Variants in RTN4RL1 observed in about 807,000 individuals in gnomAD.
RTN4RL1 encodes reticulon-4 receptor-like 1.
In RTN4RL1, 7 loss-of-function variants were observed where a neutral mutation model predicts 25.6. That is an observed-to-expected ratio of 0.27 (90% CI 0.16 to 0.51). The LOEUF (loss-of-function observed/expected upper bound fraction) is 0.51. Among genes scored for constraint, RTN4RL1 ranks in the 20% least tolerant of loss-of-function variants. RTN4RL1 has a pLI of 0.97. For synonymous variants in RTN4RL1, 297 were observed against 288.2 expected (o/e 1.03, Z -0.31); for missense variants, 500 against 615.6 (o/e 0.81, Z 1.99).
intron 1 of RTN4RL1, among the ~76,000 whole-genome samples, chr17:2,012,563 T>C (rs1243304175): frequency 1.3e-5 from 2 of 152,192 alleles, no homozygotes; most frequent in Non-Finnish European, 2.9e-5. Context: ...ACTGTTTCTA[T>C]TTTTTTCTTT....
At chr17:1,963,412 A>C (rs2066774800) in intron 1 of RTN4RL1, among the ~76,000 whole-genome samples, 1 of 152,202 alleles carries the variant, frequency 6.6e-6, no homozygotes, top group African/African-American at 2.4e-5. Flanking sequence ...GCGAGGTAGG[A>C]GCCATTAACC....
At chr17:1,944,511 A>G (rs1915497136) in intron 1 of RTN4RL1, among the ~76,000 whole-genome samples, 1 of 152,140 alleles carries the variant, frequency 6.6e-6, no homozygotes, top group African/African-American at 2.4e-5. Context: ...GCTGGAGTGC[A>G]GTGGTGCGAT....
In RTN4RL1 at chr17:2,025,176, G is replaced by T. The variant is rs1227314887; in HGVS notation, c.-311C>A. 7.7e-6 allele frequency: 2 copies of T among 261,426 alleles called. No individual in the cohort carries two copies. The highest frequency in any genetic ancestry group is 1.3e-4 in the East Asian group (2 of 15,108). 16.2% of individuals were successfully genotyped at this position (261,426 alleles called of 1,614,324 possible). A position where few individuals can be genotyped will look rare whatever the true frequency, so the allele number is the denominator to read the frequency against. ...CTGCCACCCGGAGCACTTCGCAGGC[G>T]GTTTTGAGGGGGGACGCCGCCCCCT... On this transcript the variant is annotated 5_prime_UTR_variant, in exon 1 of 2. Transcript: ENST00000331238. This position sits in a 1 kb window ranked among gnomAD's most constrained non-coding sequence, Gnocchi z 4.8.
At chr17:1,974,369 C>T (rs763433495) in intron 1 of RTN4RL1, among the ~76,000 whole-genome samples, 38 of 152,238 alleles carry the variant, frequency 2.5e-4, no homozygotes, top group Non-Finnish European at 4.6e-4. Flanking sequence ...CCAGCCTGGG[C>T]GACAGAGCAA....
At chr17:1,952,317 G>A (rs746253448) in intron 1 of RTN4RL1, among the ~76,000 whole-genome samples, 10 of 144,634 alleles carry the variant, frequency 6.9e-5, no homozygotes, top group Admixed American at 3.6e-4. Context: ...GAGGGGCATG[G>A]GTCAAGGGAG....
chr17:2,010,391 C>T lies in RTN4RL1; in HGVS notation c.13+14462G>A, dbSNP rs1196288364. On this transcript the variant is annotated intron_variant, in intron 1 of 1. Transcript: ENST00000331238. Reference sequence around the variant, plus strand: ...ACTCAGGAGGCTGAGGCACGAGAATCGCTTGAACCCAGGAGACGGAGATTG... The same window carrying T: ...ACTCAGGAGGCTGAGGCACGAGAATTGCTTGAACCCAGGAGACGGAGATTG... Among the ~76,000 whole-genome samples, 8 of 152,182 alleles carry T rather than the reference C, an allele frequency of 5.3e-5. No individual in the cohort carries two copies. The East Asian group carries it at 9.7e-4, about 18-fold the overall frequency.
intron 1 of RTN4RL1, among the ~76,000 whole-genome samples, chr17:1,967,890 C>T (rs1197493880): frequency 6.6e-6 from 1 of 152,190 alleles, no homozygotes; most frequent in Admixed American, 6.5e-5. Context: ...ATCCACTCGC[C>T]TCAGCCTCCC....
At chr17:1,948,710 TG>T (rs1915613470) in intron 1 of RTN4RL1, among the ~76,000 whole-genome samples, 1 of 136,850 alleles carries the variant, frequency 7.3e-6, no homozygotes, top group South Asian at 2.6e-4. Context: ...CCGTCCTCGG[TG>T]GCAAATGTCT....
rs761112030 is a variant in RTN4RL1 at position 1,936,613 on chromosome 17, C to T, written c.1209G>A (p.Lys403=). Residue 403 remains lysine, a synonymous_variant, in exon 2 of 2, where the codon AAG becomes AAA. Transcript: ENST00000331238. ...MPTARPKRKG[K]CARRTPIRAP... is the part of the protein sequence containing the mutation. The stretch of plus-strand genomic sequence containing the variant: ...CACGGATGGGGGTCCTGCGGGCACA[C>T]TTGCCCTTCCTCTTGGGCCGGGCCG... 2 of 1,591,740 alleles carry T rather than the reference C, an allele frequency of 1.3e-6. No homozygotes were observed. The highest frequency in any genetic ancestry group is 1.3e-5 in the African/African-American group (1 of 74,524).
intron 1 of RTN4RL1, among the ~76,000 whole-genome samples, chr17:1,966,970 A>G (rs1408317899): frequency 2.0e-5 from 3 of 151,908 alleles, no homozygotes; most frequent in Non-Finnish European, 4.4e-5. Context: ...CATCCCTCCC[A>G]GAATTATGGG....
At chr17:2,004,179 T>C (rs1310496673) in intron 1 of RTN4RL1, among the ~76,000 whole-genome samples, 2 of 151,338 alleles carry the variant, frequency 1.3e-5, no homozygotes, top group East Asian at 3.9e-4. Context: ...CCATCCTGGC[T>C]AACACGGTGA....
chr17:1,957,752 G>C (rs1915820530), intron 1 of RTN4RL1, among the ~76,000 whole-genome samples: 1 of 152,196 alleles, frequency 6.6e-6, no homozygotes, highest in Non-Finnish European at 1.5e-5. Context: ...GCTGAGGCAG[G>C]AGAATCGCTT....
chr17:1,993,179 C>T (rs549827288), intron 1 of RTN4RL1, among the ~76,000 whole-genome samples: 200 of 152,190 alleles, frequency 1.3e-3, no homozygotes, highest in African/African-American at 4.6e-3. Flanking sequence ...ACCTGGGAGG[C>T]GGAGGTTGCA....
chr17:1,982,307 A>G (rs950668610), intron 1 of RTN4RL1, among the ~76,000 whole-genome samples: 1 of 144,094 alleles, frequency 6.9e-6, no homozygotes, highest in Non-Finnish European at 1.5e-5. Context: ...TCTCAAAAAG[A>G]AAAGAGAAGA....
chr17:2,015,193 G>A (rs1048740205), intron 1 of RTN4RL1, among the ~76,000 whole-genome samples: 1 of 152,186 alleles, frequency 6.6e-6, no homozygotes, highest in Non-Finnish European at 1.5e-5. Flanking sequence ...AGGGCTTCGC[G>A]AGGCACGGAG....
At chr17:1,943,682 A>G (rs1915483286) in intron 1 of RTN4RL1, among the ~76,000 whole-genome samples, 1 of 152,132 alleles carries the variant, frequency 6.6e-6, no homozygotes, top group South Asian at 2.1e-4. Flanking sequence ...GCTACTTGGC[A>G]CTGTCCCTCC....
At chr17:2,013,631 C>CT (rs1567528138) in intron 1 of RTN4RL1, among the ~76,000 whole-genome samples, 27 of 135,982 alleles carry the variant, frequency 2.0e-4, no homozygotes, top group Middle Eastern at 3.7e-3. Context: ...CTCCCTCACC[C>CT]TGGAACATAA....
chr17:1,962,167 C>T (rs989332533), intron 1 of RTN4RL1, among the ~76,000 whole-genome samples: 2 of 150,496 alleles, frequency 1.3e-5, no homozygotes, highest in African/African-American at 4.9e-5. Flanking sequence ...GCAGTCCCAG[C>T]TACTCAGGAG....
At chr17:1,974,372 C>G (rs2066833707) in intron 1 of RTN4RL1, among the ~76,000 whole-genome samples, 1 of 152,178 alleles carries the variant, frequency 6.6e-6, no homozygotes, top group Non-Finnish European at 1.5e-5. Flanking sequence ...GCCTGGGCGA[C>G]AGAGCAAGAC....
Sources: allele counts gnomAD v4.1 joint callset (sites outside exome capture counted in the v4.1 genomes callset), GRCh38; gene constraint gnomAD v4.1.1; non-coding constraint Gnocchi (gnomAD v3.1); transcripts MANE v1.5; gene names NCBI Gene and HGNC (gene_info 2026-07-23, HGNC 2026-07-21).